The following EXOC6B variants were observed in gnomAD, a reference collection of about 807,000 sequenced individuals.
EXOC6B encodes the protein SEC15 homolog B.
In EXOC6B, 54 loss-of-function variants were observed where a neutral mutation model predicts 113.5. The ratio of observed to expected loss-of-function variants is 0.48; its 90% CI spans 0.38 to 0.60. EXOC6B has a LOEUF of 0.60. Among genes scored for constraint, EXOC6B ranks in the 20% least tolerant of loss-of-function variants. The pLI is 0.00. For missense variants in EXOC6B, 797 were observed against 977.5 expected (o/e 0.82, Z 2.46); for synonymous variants, 357 against 339.0 (o/e 1.05, Z -0.58).
intron 1 of EXOC6B, among the ~76,000 whole-genome samples, chr2:72,810,425 C>T (rs552040723): frequency 3.6e-4 from 55 of 151,178 alleles, no homozygotes; most frequent in Non-Finnish European, 6.8e-4. Flanking sequence ...TACATCATAT[C>T]AAAACTGATG....
At chr2:72,691,835 C>T (rs1677504386) in intron 6 of EXOC6B, among the ~76,000 whole-genome samples, 2 of 149,110 alleles carry the variant, frequency 1.3e-5, no homozygotes, top group Admixed American at 1.3e-4. Flanking sequence ...GTGCCCACCA[C>T]CCCACCTGGA....
At chr2:72,557,920 A>G (rs1009913467) in intron 8 of EXOC6B, among the ~76,000 whole-genome samples, 4 of 152,170 alleles carry the variant, frequency 2.6e-5, no homozygotes, top group African/African-American at 9.7e-5. Flanking sequence ...GTGAAATCGT[A>G]GGCAATTATA....
intron 19 of EXOC6B, among the ~76,000 whole-genome samples, chr2:72,336,164 G>A (rs929899982): frequency 2.0e-5 from 3 of 152,054 alleles, no homozygotes; most frequent in Non-Finnish European, 4.4e-5. Flanking sequence ...GAAAAGGAAC[G>A]TTTTCCTTCA....
chr2:72,695,207 T>C (rs1431435725), intron 6 of EXOC6B, among the ~76,000 whole-genome samples: 1 of 152,180 alleles, frequency 6.6e-6, no homozygotes, highest in Non-Finnish European at 1.5e-5. Flanking sequence ...GACACAGCTA[T>C]AAGAGAAGTA....
rs775585032 is a variant in EXOC6B, at chr2:72,400,228, T to C, written c.1981-20358A>G. ...CAGTTTTGGGAAAATTGGATAGCCA[T>C]ATGCAGAATAATGAAACTGGACATA... On this transcript the variant is annotated intron_variant, in intron 18 of 21. Coordinates refer to ENST00000272427, the MANE Select transcript of EXOC6B (RefSeq NM_015189.3). 3.3e-5 allele frequency among the ~76,000 whole-genome samples: 5 copies of C among 152,254 alleles called. No individual in the cohort carries two copies. The Middle Eastern group carries it at 0.017, about 518-fold the overall frequency.
At chr2:72,203,431 G>A (rs142209660) in intron 20 of EXOC6B, among the ~76,000 whole-genome samples, 30 of 152,208 alleles carry the variant, frequency 2.0e-4, no homozygotes, top group African/African-American at 6.5e-4. Context: ...ACTTAGCATC[G>A]AGTATAGTCA....
intron 11 of EXOC6B, 25 bp from the exon 12 acceptor site, chr2:72,499,997 G>T: frequency 1.4e-6 from 2 of 1,405,266 alleles, no homozygotes; most frequent in South Asian, 1.3e-5. Flanking sequence ...AGACAAAGGA[G>T]GAAAAACATG....
At chr2:72,181,775 G>A (rs779977128) in intron 21 of EXOC6B, among the ~76,000 whole-genome samples, 72 of 152,130 alleles carry the variant, frequency 4.7e-4, no homozygotes, top group Non-Finnish European at 8.4e-4. Flanking sequence ...ACTAGGCACT[G>A]TAAAGATAAA....
chr2:72,739,396 A>T (rs1371663298), intron 2 of EXOC6B, among the ~76,000 whole-genome samples: 3 of 152,064 alleles, frequency 2.0e-5, no homozygotes, highest in Admixed American at 1.3e-4. Context: ...TTCTATTAGA[A>T]TGTTCACATT....
Position 72,718,117 on chromosome 2 carries a change from T to C in EXOC6B, c.655A>G (p.Thr219Ala). The C allele has an allele frequency of 6.2e-7, 1 of 1,610,020 alleles. No homozygotes were observed. The change falls in exon 6 of 22, where the codon ACT becomes GCT. Residue 219 changes from threonine to alanine, a missense_variant. Thr to Ala is a moderately conservative substitution (Grantham distance 58). Transcript: ENST00000272427. ...IRKHSDKIGE[T>A]AMKQAQQQRN... ...CCAAGACCTACTTGCTTCATGGCAG[T>C]CTCTCCAATTTTGTCTGAATGTTTG... is the stretch of plus-strand genomic sequence containing the variant.
chr2:72,332,919 G>A (rs1688490240), intron 20 of EXOC6B, among the ~76,000 whole-genome samples: 1 of 152,040 alleles, frequency 6.6e-6, no homozygotes, highest in South Asian at 2.1e-4. Context: ...CACAGGATGT[G>A]GAGAGATCAT....
At chr2:72,609,950 A>G (rs1416437305) in intron 6 of EXOC6B, among the ~76,000 whole-genome samples, 1 of 152,200 alleles carries the variant, frequency 6.6e-6, no homozygotes, top group African/African-American at 2.4e-5. Flanking sequence ...TCAGTAGACA[A>G]TAAAATGACA....
At chr2:72,193,204 A>T (rs1678963588) in intron 20 of EXOC6B, among the ~76,000 whole-genome samples, 1 of 152,186 alleles carries the variant, frequency 6.6e-6, no homozygotes. Flanking sequence ...CATGACACCA[A>T]ATCTGTTTTT....
At chr2:72,505,025 C>G (rs57376166) in intron 11 of EXOC6B, among the ~76,000 whole-genome samples, 1 of 151,984 alleles carries the variant, frequency 6.6e-6, no homozygotes, top group Non-Finnish European at 1.5e-5. Flanking sequence ...ATACAAATAC[C>G]ATTTTTCACT....
At chr2:72,495,841 T>C (rs555058961) in intron 14 of EXOC6B, among the ~76,000 whole-genome samples, 4 of 152,310 alleles carry the variant, frequency 2.6e-5, no homozygotes, top group East Asian at 3.9e-4. Context: ...AAAAGCATTA[T>C]GTTATATCAA....
At position 72,622,646 on chromosome 2, in the gene EXOC6B, G is replaced by A. The variant is rs971054978; in HGVS notation, c.670-46978C>T. Among the ~76,000 whole-genome samples the A allele has an allele frequency of 3.9e-5, 6 of 152,146 alleles. 1 individual carries two copies. The highest frequency in any genetic ancestry group is 1.3e-4 in the Admixed American group (2 of 15,282). ...GATCACTTGAGCCCAGGAGGCAGAG[G>A]TTGCAGTGAGCTGTGATCTTGCCAC... On this transcript the variant is annotated intron_variant, in intron 6 of 21. Transcript: ENST00000272427.
In EXOC6B at chr2:72,480,610, T is replaced by C; in HGVS notation, c.1800+6A>G. On this transcript the variant is annotated splice_donor_region_variant and intron_variant, in intron 17 of 21. Transcript: ENST00000272427. The stretch of plus-strand genomic sequence containing the variant: ...GCAGTTCCACAGTACTGTAGGGCCC[T>C]CTCACCTTAAAAGTTGTGGTGCCAT... 1 of 1,576,070 alleles carries C rather than the reference T, an allele frequency of 6.3e-7. No individual in the cohort carries two copies. The highest frequency in any genetic ancestry group is 8.6e-7 in the Non-Finnish European group (1 of 1,159,050).
At chr2:72,682,816 T>C (rs779174221) in intron 6 of EXOC6B, among the ~76,000 whole-genome samples, 7 of 152,172 alleles carry the variant, frequency 4.6e-5, no homozygotes, top group Non-Finnish European at 7.4e-5. Context: ...TTATCTTATA[T>C]ACTAGACCTC....
intron 18 of EXOC6B, among the ~76,000 whole-genome samples, chr2:72,382,551 T>C (rs1691751479): frequency 6.6e-6 from 1 of 152,194 alleles, no homozygotes; most frequent in Non-Finnish European, 1.5e-5. Context: ...TTAAATAGTT[T>C]AGTTCTGTGA....
Sources: allele counts gnomAD v4.1 joint callset (sites outside exome capture counted in the v4.1 genomes callset), GRCh38; gene constraint gnomAD v4.1.1; transcripts MANE v1.5; gene names NCBI Gene and HGNC (gene_info 2026-07-23, HGNC 2026-07-21).